PCDHGA6: variants seen among roughly 807,000 people sequenced by gnomAD.
PCDHGA6 encodes the protein protocadherin gamma subfamily A, 6.
PCDHGA6 carries 41 observed loss-of-function variants against 60.6 expected under a neutral mutation model. The ratio of observed to expected loss-of-function variants is 0.68; its 90% CI spans 0.53 to 0.88. The LOEUF (loss-of-function observed/expected upper bound fraction) is 0.88. Among genes scored for constraint, PCDHGA6 ranks in the 40% least tolerant of loss-of-function variants. PCDHGA6 has a pLI of 0.00. For missense variants in PCDHGA6, 1,312 were observed against 1,203.0 expected (o/e 1.09, Z -1.34); for synonymous variants, 594 against 524.4 (o/e 1.13, Z -1.81).
chr5:141,404,165 T>G, intron 1 of PCDHGA6: 1 of 1,613,246 alleles, frequency 6.2e-7, no homozygotes, highest in Non-Finnish European at 8.5e-7. Flanking sequence ...TTACAGATTG[T>G]TGACGGCCCA....
intron 1 of PCDHGA6, chr5:141,399,009 C>T (rs759328384): frequency 8.1e-6 from 13 of 1,613,694 alleles, no homozygotes; most frequent in African/African-American, 1.3e-5. Context: ...ATTCAAAGAG[C>T]GGAGAAATTA....
intron 1 of PCDHGA6, chr5:141,393,481 C>A (rs368525192): frequency 6.2e-7 from 1 of 1,614,066 alleles, no homozygotes; most frequent in Non-Finnish European, 8.5e-7. Flanking sequence ...CCGCCTCGCT[C>A]TAGCACAGTG....
chr5:141,498,960 G>GGAGA (rs1381042115), intron 2 of PCDHGA6, among the ~76,000 whole-genome samples: 9 of 118,744 alleles, frequency 7.6e-5, no homozygotes, highest in African/African-American at 2.8e-4. Context: ...AGAGAGAGAG[G>GGAGA]GAGGGAGGGA....
chr5:141,410,726 A>G, intron 1 of PCDHGA6: 4 of 1,376,038 alleles, frequency 2.9e-6, no homozygotes, highest in Non-Finnish European at 3.9e-6. Context: ...TTTAAAATCC[A>G]TAGCTTTTTA....
Position 141,476,641 on chromosome 5 carries a change from C to A in PCDHGA6, c.2425-18166C>A, listed in dbSNP as rs1183948220. The A allele has an allele frequency of 1.2e-6, 2 of 1,614,256 alleles. No homozygotes were observed. The highest frequency in any genetic ancestry group is 1.7e-5 in the Admixed American group (1 of 60,030). On this transcript the variant is annotated intron_variant, in intron 1 of 3. Transcript: ENST00000517434. This position sits in a 1 kb window ranked among gnomAD's most constrained non-coding sequence, Gnocchi z 7.6. ...ACTCTTTACAAACCTATGAGCTGAG[C>A]CGAAATGAATACTTTGCGCTTCGCG... is the stretch of plus-strand genomic sequence containing the variant.
chr5:141,485,682 A>G lies in PCDHGA6; in HGVS notation c.2425-9125A>G, dbSNP rs779441999. Reference sequence around the variant, plus strand: ...GTGGGGAGCAATTCGATTAGCAGCTATAGGCTGAGCTCCAATGAACACTTT... The same window carrying G: ...GTGGGGAGCAATTCGATTAGCAGCTGTAGGCTGAGCTCCAATGAACACTTT... On this transcript the variant is annotated intron_variant, in intron 1 of 3. Coordinates refer to ENST00000517434, the MANE Select transcript of PCDHGA6 (RefSeq NM_018919.3). This position sits in a 1 kb window ranked among gnomAD's most constrained non-coding sequence, Gnocchi z 5.7. 6.2e-7 allele frequency: 1 copy of G among 1,614,076 alleles called. No homozygotes were observed. Among genetic ancestry groups the G allele is most frequent in the Non-Finnish European group, 8.5e-7 (1 of 1,179,964 alleles).
chr5:141,409,179 G>A, intron 1 of PCDHGA6: 1 of 1,613,988 alleles, frequency 6.2e-7, no homozygotes. Context: ...GACGGAGGTG[G>A]TCTCTCTACC....
intron 1 of PCDHGA6, among the ~76,000 whole-genome samples, chr5:141,488,675 T>C (rs888235928): frequency 2.6e-5 from 4 of 152,116 alleles, no homozygotes; most frequent in Admixed American, 1.3e-4. Flanking sequence ...TACATGGGCT[T>C]TGCCTCTCCC....
At position 141,505,908 on chromosome 5, in the gene PCDHGA6, T is replaced by C. The variant is rs114551975; in HGVS notation, c.2572+427T>C. On this transcript the variant is annotated intron_variant, in intron 3 of 3. Coordinates refer to ENST00000517434, the MANE Select transcript of PCDHGA6 (RefSeq NM_018919.3). ...TTAAATGAGATGATACCACAAAGCATAGAGTTCTGGGCCTGGCGCTTGGAA... is the reference window on the plus strand; with the variant it reads ...TTAAATGAGATGATACCACAAAGCACAGAGTTCTGGGCCTGGCGCTTGGAA... 4.0e-3 allele frequency among the ~76,000 whole-genome samples: 608 copies of C among 152,218 alleles called. 3 individuals are homozygous for C. The highest frequency in any genetic ancestry group is 0.013 in the African/African-American group (551 of 41,540).
At chr5:141,388,376 C>A in intron 1 of PCDHGA6, 1 of 1,613,944 alleles carries the variant, frequency 6.2e-7, no homozygotes, top group Non-Finnish European at 8.5e-7. Context: ...ATATTGGTAG[C>A]AACACACTGC....
chr5:141,490,641 G>A lies in PCDHGA6; in HGVS notation c.2425-4166G>A. 3 of 1,614,160 alleles carry A rather than the reference G, an allele frequency of 1.9e-6. No homozygotes were observed. On this transcript the variant is annotated intron_variant, in intron 1 of 3. Transcript: ENST00000517434. This position sits in a 1 kb window ranked among gnomAD's most constrained non-coding sequence, Gnocchi z 5.4. Reference sequence around the variant, plus strand: ...ACACTGCTTACATCCTAGAAAACCGGCCTCCGGGCTCCCTTCTTTGCACTG... The same window carrying A: ...ACACTGCTTACATCCTAGAAAACCGACCTCCGGGCTCCCTTCTTTGCACTG...
intron 1 of PCDHGA6, chr5:141,383,616 G>A (rs750574958): frequency 2.5e-6 from 4 of 1,613,808 alleles, no homozygotes; most frequent in Non-Finnish European, 3.4e-6. Flanking sequence ...ATGACCACAC[G>A]CCTGTCTTCT....
At chr5:141,408,228 G>C (rs1233027944) in intron 1 of PCDHGA6, 2 of 1,564,122 alleles carry the variant, frequency 1.3e-6, no homozygotes, top group South Asian at 2.3e-5. Flanking sequence ...GCGCAGAGGC[G>C]CCGGGCCGGC....
At chr5:141,465,466 C>T (rs1280373152) in intron 1 of PCDHGA6, among the ~76,000 whole-genome samples, 1 of 152,156 alleles carries the variant, frequency 6.6e-6, no homozygotes, top group African/African-American at 2.4e-5. Flanking sequence ...ACCAAATTGC[C>T]CTTGCTTCAT....
chr5:141,390,152 TAC>T, intron 1 of PCDHGA6: 2 of 1,614,054 alleles, frequency 1.2e-6, no homozygotes, highest in Non-Finnish European at 1.7e-6. Flanking sequence ...GTGTTGCACA[TAC>T]AGGAAAGACG....
intron 1 of PCDHGA6, among the ~76,000 whole-genome samples, chr5:141,460,912 G>GTATA (rs34683754): frequency 4.0e-5 from 6 of 149,324 alleles, no homozygotes; most frequent in South Asian, 2.1e-4. Context: ...ATTCCATGGT[G>GTATA]TATATATATA....
At chr5:141,466,689 A>G (rs2099127361) in intron 1 of PCDHGA6, among the ~76,000 whole-genome samples, 1 of 152,220 alleles carries the variant, frequency 6.6e-6, no homozygotes, top group Admixed American at 6.5e-5. Context: ...CTCAAGCTTC[A>G]TCATAAATTT....
chr5:141,374,715 T>C lies in PCDHGA6; in HGVS notation c.632T>C (p.Val211Ala), dbSNP rs1260634763. 1 of 1,609,848 alleles carries C rather than the reference T, an allele frequency of 6.2e-7. No homozygotes were observed. The highest frequency in any genetic ancestry group is 8.5e-7 in the Non-Finnish European group (1 of 1,177,888). ...GAAGGAGAAGCCGTTTACCGCCTGG[T>C]CCTTACTGCCATGGATGGCGGCGAC... ...DREGEAVYRL[V>A]LTAMDGGDPV... The change falls in exon 1 of 4, where the codon GTC becomes GCC. Residue 211 changes from valine to alanine, a missense_variant. Physicochemically the swap from Val to Ala is moderately conservative, Grantham distance 64. Transcript: ENST00000517434.
In PCDHGA6 at chr5:141,485,669, T is replaced by G. The variant is rs754363407; in HGVS notation, c.2425-9138T>G. ...TCAGGATGCAGATGTGGGGAGCAATTCGATTAGCAGCTATAGGCTGAGCTC... is the reference window on the plus strand; with the variant it reads ...TCAGGATGCAGATGTGGGGAGCAATGCGATTAGCAGCTATAGGCTGAGCTC... On this transcript the variant is annotated intron_variant, in intron 1 of 3. Transcript: ENST00000517434. The surrounding 1 kb of genome is among the most constrained non-coding windows in gnomAD (Gnocchi z 5.7). 1.9e-6 allele frequency: 3 copies of G among 1,612,788 alleles called. 1 individual carries two copies. Among genetic ancestry groups the G allele is most frequent in the Admixed American group, 1.7e-5 (1 of 59,980 alleles).
Sources: allele counts gnomAD v4.1 joint callset (sites outside exome capture counted in the v4.1 genomes callset), GRCh38; gene constraint gnomAD v4.1.1; non-coding constraint Gnocchi (gnomAD v3.1); transcripts MANE v1.5; gene names NCBI Gene and HGNC (gene_info 2026-07-23, HGNC 2026-07-21).